Variants in QARS1 observed in about 807,000 individuals in gnomAD.
QARS1 encodes the protein glutamine--tRNA ligase.
Under a neutral mutation model 106.9 loss-of-function variants are expected in QARS1, and 79 were observed. The ratio of observed to expected loss-of-function variants is 0.74; its 90% confidence interval spans 0.62 to 0.89. QARS1 has a LOEUF of 0.89. QARS1 is among the 40% of genes least tolerant of loss of function. The pLI is 0.00. For synonymous variants in QARS1, 395 were observed against 367.7 expected (o/e 1.07, Z -0.85); for missense variants, 966 against 997.2 (o/e 0.97, Z 0.42).
chr3:49,098,892 A>C lies in QARS1; in HGVS notation c.1856T>G (p.Phe619Cys), dbSNP rs1294163804. Residue 619 changes from phenylalanine (F) to cysteine (C), a missense_variant, in exon 19 of 24, where the codon TTC (phenylalanine) becomes TGC (cysteine). Phe to Cys is a radical substitution (Grantham distance 205). Coordinates refer to ENST00000306125, the MANE Select transcript of QARS1 (RefSeq NM_005051.3). ...APIVFIERTD[F>C]KEEPEPGFKR... ...TCCACCCCCACAATTTACCTCCTTGAAGTCAGTCCTCTCAATGAAGACAAT... is the reference window on the plus strand; with the variant it reads ...TCCACCCCCACAATTTACCTCCTTGCAGTCAGTCCTCTCAATGAAGACAAT... 6.2e-7 allele frequency: 1 copy of C among 1,611,918 alleles called. No individual in the cohort carries two copies. Among genetic ancestry groups the C allele is most frequent in the Non-Finnish European group, 8.5e-7 (1 of 1,178,000 alleles).
chr3:49,098,741 A>T (rs1215843328), intron 19 of QARS1, 49 bp from the exon 20 acceptor site: 1 of 1,535,448 alleles, frequency 6.5e-7, no homozygotes, highest in Non-Finnish European at 8.8e-7. Context: ...GGGTCAAACA[A>T]GTGGGGAAGC....
chr3:49,099,563 A>G lies in QARS1; in HGVS notation c.1473T>C (p.Tyr491=). 6.2e-7 allele frequency: 1 copy of G among 1,614,218 alleles called. No homozygotes were observed. Among genetic ancestry groups the G allele is most frequent in the Non-Finnish European group, 8.5e-7 (1 of 1,180,034 alleles). ...GGATCTTCCTCTTAGAGACAACAGC[A>G]TAGTGCAGGTTGAGGCGGCCATACT... is the stretch of plus-strand genomic sequence containing the variant. ...QWEYGRLNLH[Y]AVVSKRKILQ... is the part of the protein sequence containing the mutation. The change falls in exon 16 of 24, where the codon TAT becomes TAC. Residue 491 remains tyrosine, a synonymous_variant. Coordinates refer to ENST00000306125, the MANE Select transcript of QARS1 (RefSeq NM_005051.3).
Position 49,099,961 on chromosome 3 carries a change from C to T in QARS1, c.1295G>A (p.Trp432Ter). 1 of 1,614,210 alleles carries T rather than the reference C, an allele frequency of 6.2e-7. No individual in the cohort carries two copies. The highest frequency in any genetic ancestry group is 8.5e-7 in the Non-Finnish European group (1 of 1,180,032). ...CCACCCCACCCCATTCTACACCCAC[C>T]ATTTGTCCCCTGTGCGGTGGTGTGG... ...YTPHHRTGDK[W>*]CIYPTYDYTH... The change falls in exon 14 of 24, where the codon TGG becomes TAG. Residue 432 changes from tryptophan (W) to a stop codon, truncating the protein, a stop_gained and splice_region_variant. Transcript: ENST00000306125. LOFTEE classifies it high-confidence loss of function.
Position 49,100,628 on chromosome 3 carries a change from T to G in QARS1, c.923A>C (p.Glu308Ala), listed in dbSNP as rs538322353. 17 of 1,611,872 alleles carry G rather than the reference T, an allele frequency of 1.1e-5. No homozygotes were observed. The East Asian group carries it at 3.8e-4, about 36-fold the overall frequency. ...CFLRFDDTNP[E>A]KEEAKFFTAI... is the part of the protein sequence containing the mutation. ...CGTGAAGAACTTTGCTTCCTCCTTC[T>G]CAGGGTTGGTGTCATCAAAACGCAG... is the stretch of plus-strand genomic sequence containing the variant. The change falls in exon 11 of 24, where the codon GAG becomes GCG. Residue 308 changes from glutamate to alanine, a missense_variant. Transcript: ENST00000306125.
At chr3:49,099,317 G>T (rs560075735) in intron 17 of QARS1, 27 bp downstream of exon 17, 1 of 1,614,172 alleles carries the variant, frequency 6.2e-7, no homozygotes, top group Admixed American at 1.7e-5. Flanking sequence ...AACCCCCAAT[G>T]TATCTACCCA....
At chr3:49,102,617 A>C in intron 5 of QARS1, 145 bp from the exon 6 acceptor site, 1 of 793,972 alleles carries the variant, frequency 1.3e-6, no homozygotes, top group Non-Finnish European at 2.1e-6. Flanking sequence ...ATCTCTTCTC[A>C]TGTGGGTCTG....
chr3:49,098,474 T>C lies in QARS1; in HGVS notation c.1963A>G (p.Ser655Gly). ...ACCTCCAGACTCTCTACACAACCAC[T>C]GGGGCCCTGGAAGTGGGGGGAGGGG... Reference protein sequence around the residue: ...IELQHVVKGPSGCVESLEVTC... With the variant: ...IELQHVVKGPGGCVESLEVTC... Residue 655 changes from serine to glycine, a missense_variant, in exon 21 of 24, where the codon AGT (serine) becomes GGT (glycine). Coordinates refer to ENST00000306125, the MANE Select transcript of QARS1 (RefSeq NM_005051.3). The C allele has an allele frequency of 6.2e-7, 1 of 1,613,956 alleles. No homozygotes were observed. The highest frequency in any genetic ancestry group is 1.7e-5 in the Admixed American group (1 of 60,010).
At position 49,100,399 on chromosome 3, in the gene QARS1, C is replaced by G; in HGVS notation, c.1036G>C (p.Ala346Pro). The G allele has an allele frequency of 6.2e-7, 1 of 1,614,252 alleles. No individual in the cohort carries two copies. The highest frequency in any genetic ancestry group is 8.5e-7 in the Non-Finnish European group (1 of 1,180,040). ...SDYFDQLYAW[A>P]VELIRRGLAY... ...CCTTACCTGCGGATGAGCTCCACAG[C>G]CCACGCATATAGCTGGTCAAAATAG... is the stretch of plus-strand genomic sequence containing the variant. The change falls in exon 12 of 24, where the codon GCT becomes CCT. Residue 346 changes from alanine (A) to proline (P), a missense_variant. Transcript: ENST00000306125.
intron 23 of QARS1, 84 bp downstream of exon 23, chr3:49,097,908 G>C: frequency 6.4e-7 from 1 of 1,556,466 alleles, no homozygotes. Context: ...GATTAACTAA[G>C]GGAATGTATG....
intron 5 of QARS1, 146 bp from the exon 6 acceptor site, chr3:49,102,618 T>A: frequency 1.3e-6 from 1 of 792,588 alleles, no homozygotes; most frequent in South Asian, 1.5e-5. Context: ...TCTCTTCTCA[T>A]GTGGGTCTGC....
chr3:49,096,195 G>C (rs2042388273), intron 23 of QARS1, 116 bp from the exon 24 acceptor site: 1 of 1,106,988 alleles, frequency 9.0e-7, no homozygotes, highest in Non-Finnish European at 1.3e-6. Flanking sequence ...AGAAGCCGAG[G>C]GACTAAGGGT....
In QARS1 at chr3:49,100,664, C is replaced by T; in HGVS notation, c.887G>A (p.Gly296Asp). 6.3e-7 allele frequency: 1 copy of T among 1,599,086 alleles called. No homozygotes were observed. The highest frequency in any genetic ancestry group is 1.1e-5 in the South Asian group (1 of 90,778). The change falls in exon 11 of 24, where the codon GGC becomes GAC. Residue 296 changes from glycine to aspartate, a missense_variant. By Grantham distance (94) the Gly-to-Asp change is moderately conservative (BLOSUM62 -1). Transcript: ENST00000306125. ...GTCATCAAAACGCAGAAAACAGATGCCATTGTTGGCCTAGGAAAGTTGCAC... is the reference window on the plus strand; with the variant it reads ...GTCATCAAAACGCAGAAAACAGATGTCATTGTTGGCCTAGGAAAGTTGCAC... Reference protein sequence around the residue: ...FNFGYAKANNGICFLRFDDTN... With the variant: ...FNFGYAKANNDICFLRFDDTN...
Position 49,099,362 on chromosome 3 carries a change from G to C in QARS1, c.1596C>G (p.Ile532Met), listed in dbSNP as rs774819969. Reference sequence around the variant, plus strand: ...GCTATACCCGGGCACAGAAGTTGTTGATGGCCTCAGGTGGGAAGCCCCGCC... The same window carrying C: ...GCTATACCCGGGCACAGAAGTTGTTCATGGCCTCAGGTGGGAAGCCCCGCC... ...LRRRGFPPEA[I>M]NNFCARVGVT... The change falls in exon 17 of 24, where the codon ATC becomes ATG. Residue 532 changes from isoleucine (I) to methionine (M), a missense_variant. Transcript: ENST00000306125. 9.9e-6 allele frequency: 16 copies of C among 1,614,182 alleles called. No homozygotes were observed. The highest frequency in any genetic ancestry group is 1.3e-5 in the Non-Finnish European group (15 of 1,180,006).
chr3:49,101,556 C>T (rs977287105), intron 9 of QARS1, 64 bp downstream of exon 9: 54 of 1,591,170 alleles, frequency 3.4e-5, no homozygotes, highest in Middle Eastern at 1.7e-4. Context: ...GCAGTATGGA[C>T]GCAGCCCAGG....
In QARS1 at chr3:49,101,704, A is replaced by G. The variant is rs199583633; in HGVS notation, c.705T>C (p.Gly235=). The G allele has an allele frequency of 6.2e-7, 1 of 1,614,006 alleles. No individual in the cohort carries two copies. The highest frequency in any genetic ancestry group is 1.3e-5 in the African/African-American group (1 of 75,010). The change falls in exon 9 of 24, where the codon GGT becomes GGC. Residue 235 remains glycine (G), a splice_region_variant and synonymous_variant. Coordinates refer to ENST00000306125, the MANE Select transcript of QARS1 (RefSeq NM_005051.3). ...RGEALKFHKP[G]ENYKTPGYVV... ...CATAGCCTGGGGTCTTGTAGTTCTC[A>G]CCTGCCAGGACCAGAATAAGCCTAA...
In QARS1 at chr3:49,102,419, C is replaced by A; in HGVS notation, c.570G>T (p.Lys190Asn). 1 of 1,614,152 alleles carries A rather than the reference C, an allele frequency of 6.2e-7. No individual in the cohort carries two copies. Among genetic ancestry groups the A allele is most frequent in the South Asian group, 1.1e-5 (1 of 91,080 alleles). Residue 190 changes from lysine (K) to asparagine (N), a missense_variant and splice_region_variant, in exon 6 of 24, where the codon AAG (lysine) becomes AAT (asparagine). Coordinates refer to ENST00000306125, the MANE Select transcript of QARS1 (RefSeq NM_005051.3). Reference sequence around the variant, plus strand: ...GACTCAGGGCCATGCCCATCCCTACCTTGAACTTCTTCTCCAGATCAGCCT... The same window carrying A: ...GACTCAGGGCCATGCCCATCCCTACATTGAACTTCTTCTCCAGATCAGCCT... Reference protein sequence around the residue: ...KLEADLEKKFKVAKARLEETD... With the variant: ...KLEADLEKKFNVAKARLEETD...
Position 49,100,385 on chromosome 3 carries a change from G to T in QARS1, c.1050C>A (p.Ile350=), listed in dbSNP as rs2042453572. The T allele has an allele frequency of 2.5e-6, 4 of 1,614,254 alleles. No individual in the cohort carries two copies. Among genetic ancestry groups the T allele is most frequent in the Non-Finnish European group, 1.7e-6 (2 of 1,180,040 alleles). The change falls in exon 12 of 24, where the codon ATC becomes ATA. Residue 350 remains isoleucine (I), a synonymous_variant. Transcript: ENST00000306125. ...DQLYAWAVEL[I]RRGLAYVCHQ... The stretch of plus-strand genomic sequence containing the variant: ...CGTCATGGCCCTGGCCTTACCTGCG[G>T]ATGAGCTCCACAGCCCACGCATATA...
At position 49,098,236 on chromosome 3, in the gene QARS1, C is replaced by G. The variant is rs2042417448; in HGVS notation, c.2107G>C (p.Asp703His). ...ERLFQHKNPEDPTEVPGGFLS... is the reference protein window; with the variant it reads ...ERLFQHKNPEHPTEVPGGFLS... ...AATCCACCAGGCACCTCAGTAGGAT[C>G]TTCAGGGTTCTTGTGCTGGAATCTG... Residue 703 changes from aspartate (D) to histidine (H), a missense_variant, in exon 22 of 24, where the codon GAT becomes CAT. Transcript: ENST00000306125. The G allele has an allele frequency of 1.2e-6, 2 of 1,614,086 alleles. No homozygotes were observed. Among genetic ancestry groups the G allele is most frequent in the Admixed American group, 1.7e-5 (1 of 60,006 alleles).
chr3:49,099,229 T>C lies in QARS1; in HGVS notation c.1639A>G (p.Thr547Ala), dbSNP rs1189734887. Residue 547 changes from threonine (T) to alanine (A), a missense_variant, in exon 18 of 24, where the codon ACA becomes GCA. By Grantham distance (58) the Thr-to-Ala change is moderately conservative. Transcript: ENST00000306125. ...GCTTCTAGAAGATGTGGCTCCATTG[T>C]GGTTTGTGCCACAGTCACTCCCACC... ...ARVGVTVAQT[T>A]MEPHLLEACV... 1 of 1,614,162 alleles carries C rather than the reference T, an allele frequency of 6.2e-7. No individual in the cohort carries two copies. The highest frequency in any genetic ancestry group is 8.5e-7 in the Non-Finnish European group (1 of 1,180,020).
Sources: allele counts gnomAD v4.1 joint callset, GRCh38; gene constraint gnomAD v4.1.1; transcripts MANE v1.5; gene names NCBI Gene and HGNC (gene_info 2026-07-23, HGNC 2026-07-21).